The following TNPO3 variants were observed in gnomAD, a reference collection of about 807,000 sequenced individuals.
TNPO3 encodes the protein transportin 3.
A neutral mutation model predicts 122.8 loss-of-function variants in TNPO3; 65 were observed. The observed-to-expected ratio is 0.53, with a 90% confidence interval of 0.43 to 0.65. The LOEUF (loss-of-function observed/expected upper bound fraction) is 0.65, where lower values mean the gene tolerates loss of function less well. TNPO3 is among the 30% of genes least tolerant of loss of function. The pLI, the probability that TNPO3 is intolerant of heterozygous loss-of-function variation, is 0.00. For missense variants in TNPO3, 850 were observed against 1,136.7 expected (o/e 0.75, Z 3.63); for synonymous variants, 372 against 411.2 (o/e 0.90, Z 1.15).
chr7:128,971,201 A>C (rs541747577), intron 19 of TNPO3, among the ~76,000 whole-genome samples: 14 of 150,048 alleles, frequency 9.3e-5, no homozygotes, highest in African/African-American at 3.2e-4. Context: ...GCTGGAGTGC[A>C]GTGGCCTGAT....
intron 1 of TNPO3, among the ~76,000 whole-genome samples, chr7:129,048,646 AAAAAAAAAAGAAAG>A (rs1268307061): frequency 6.6e-6 from 1 of 152,030 alleles, no homozygotes; most frequent in African/African-American, 2.4e-5. Flanking sequence ...AAGGATTTAA[AAAAAAAAAAGAAAG>A]AAAAAAAAAG....
intron 4 of TNPO3, among the ~76,000 whole-genome samples, chr7:129,011,210 C>T (rs1428756005): frequency 2.1e-4 from 32 of 152,134 alleles, no homozygotes; most frequent in Non-Finnish European, 1.5e-4. Flanking sequence ...TAAGATAATT[C>T]TATAAAATGA....
At chr7:129,040,284 A>T (rs1372000042) in intron 1 of TNPO3, among the ~76,000 whole-genome samples, 2 of 151,998 alleles carry the variant, frequency 1.3e-5, no homozygotes, top group East Asian at 3.9e-4. Context: ...AATGTCCAAA[A>T]CTTGATGGAT....
At chr7:128,986,640 G>T in intron 12 of TNPO3, 89 bp downstream of exon 12, 2 of 1,244,976 alleles carry the variant, frequency 1.6e-6, no homozygotes, top group Non-Finnish European at 2.2e-6. Flanking sequence ...TAAGTACATT[G>T]CAACTGAAAA....
chr7:129,034,057 A>G (rs1806275730), intron 1 of TNPO3, among the ~76,000 whole-genome samples: 1 of 152,224 alleles, frequency 6.6e-6, no homozygotes, highest in African/African-American at 2.4e-5. Flanking sequence ...AAATGTATAT[A>G]TATGCAGTGG....
intron 8 of TNPO3, among the ~76,000 whole-genome samples, chr7:128,994,425 T>G (rs1007468569): frequency 6.6e-6 from 1 of 152,030 alleles, no homozygotes; most frequent in Non-Finnish European, 1.5e-5. Context: ...CCCAAAGTGT[T>G]AGCCACCGTG....
chr7:129,049,322 T>A (rs1808427523), intron 1 of TNPO3, among the ~76,000 whole-genome samples: 2 of 152,148 alleles, frequency 1.3e-5, no homozygotes, highest in South Asian at 4.1e-4. Flanking sequence ...TCCCAGAAAT[T>A]TCAGAAGATT....
intron 16 of TNPO3, among the ~76,000 whole-genome samples, chr7:128,977,070 A>T (rs879562994): frequency 1.2e-4 from 18 of 151,708 alleles, no homozygotes; most frequent in African/African-American, 2.2e-4. Context: ...GTAAAACATT[A>T]AAAAAAACAC....
chr7:128,955,738 G>A (rs967946620), intron 22 of TNPO3, among the ~76,000 whole-genome samples: 5 of 152,126 alleles, frequency 3.3e-5, no homozygotes, highest in East Asian at 1.9e-4. Context: ...GCTTCATGTC[G>A]ATTTTATTTT....
chr7:129,056,076 A>T, upstream of TNPO3: 1 of 1,162,564 alleles, frequency 8.6e-7, no homozygotes, highest in African/African-American at 1.5e-5. Flanking sequence ...CGGGCGGAAG[A>T]AATGTCTGGG....
intron 5 of TNPO3, 21 bp from the exon 6 acceptor site, chr7:129,001,255 G>C: frequency 6.3e-7 from 1 of 1,587,004 alleles, no homozygotes; most frequent in African/African-American, 1.3e-5. Context: ...AGCAGGAATA[G>C]GGAAGCAAGA....
intron 1 of TNPO3, chr7:129,041,787 A>G: frequency 1.0e-6 from 1 of 963,092 alleles, no homozygotes; most frequent in Non-Finnish European, 1.2e-6. Flanking sequence ...CAGTAGCAGA[A>G]CAGGCCTTTA....
intron 1 of TNPO3, among the ~76,000 whole-genome samples, chr7:129,049,921 G>C (rs1808500373): frequency 6.6e-6 from 1 of 152,118 alleles, no homozygotes; most frequent in South Asian, 2.1e-4. Context: ...TGCACAGGCG[G>C]AACAAAAAAT....
chr7:129,050,697 C>T (rs1177744562), intron 1 of TNPO3, among the ~76,000 whole-genome samples: 2 of 152,194 alleles, frequency 1.3e-5, no homozygotes, highest in Non-Finnish European at 2.9e-5. Flanking sequence ...TGAGATCCAT[C>T]CCCTGGCTTC....
intron 4 of TNPO3, among the ~76,000 whole-genome samples, chr7:129,006,915 A>C (rs2150398515): frequency 6.6e-6 from 1 of 152,324 alleles, no homozygotes; most frequent in Non-Finnish European, 1.5e-5. Flanking sequence ...AAAACAAAGC[A>C]AAACAAAACA....
rs997446434 is a variant in TNPO3 at position 128,954,326 on chromosome 7, G to T, written c.*1091C>A. The stretch of plus-strand genomic sequence containing the variant: ...TTTGAAACATTAAGATCTGCTTTGG[G>T]CTTCCCTCTTCGGCCTCACCCTCCC... On this transcript the variant is annotated 3_prime_UTR_variant, in exon 23 of 23. Transcript: ENST00000265388. 1.3e-5 allele frequency: 2 copies of T among 152,142 alleles called. No homozygotes were observed. Among genetic ancestry groups the T allele is most frequent in the African/African-American group, 4.8e-5 (2 of 41,406 alleles). 9.4% of individuals were successfully genotyped at this position (152,142 alleles called of 1,614,324 possible).
At chr7:129,008,502 GA>G (rs1384769450) in intron 4 of TNPO3, among the ~76,000 whole-genome samples, 5 of 151,846 alleles carry the variant, frequency 3.3e-5, no homozygotes, top group African/African-American at 1.2e-4. Context: ...CTGAAACTCA[GA>G]AAGAAAATAT....
intron 1 of TNPO3, among the ~76,000 whole-genome samples, chr7:129,021,954 CA>C (rs1270783227): frequency 6.7e-6 from 1 of 149,488 alleles, no homozygotes; most frequent in African/African-American, 2.5e-5. Flanking sequence ...TTTTTTTAAA[CA>C]AAAAAATTTT....
At chr7:129,051,635 CTGGCT>C (rs1192775410) in intron 1 of TNPO3, among the ~76,000 whole-genome samples, 3 of 152,010 alleles carry the variant, frequency 2.0e-5, no homozygotes, top group African/African-American at 7.2e-5. Context: ...TGGGCCTGGC[CTGGCT>C]GGCAACTTTT....
Sources: gnomAD v4.1 joint callset for allele counts (sites outside exome capture counted in the v4.1 genomes callset) on GRCh38, gnomAD v4.1.1 for gene constraint, MANE v1.5 for transcripts, NCBI Gene and HGNC (gene_info 2026-07-23, HGNC 2026-07-21) for gene names.